Variants in SLC16A7 observed in about 807,000 individuals in gnomAD.
SLC16A7 encodes monocarboxylate transporter 2.
SLC16A7 carries 33 observed loss-of-function variants against 34.9 expected under a neutral mutation model. The ratio of observed to expected loss-of-function variants is 0.94; its 90% CI spans 0.72 to 1.26. The LOEUF (loss-of-function observed/expected upper bound fraction) is 1.26. SLC16A7 is among the 50% of genes most tolerant of loss of function. The pLI, the probability that SLC16A7 is intolerant of heterozygous loss-of-function variation, is 0.00. For missense variants in SLC16A7, 573 were observed against 578.1 expected (o/e 0.99, Z 0.09); for synonymous variants, 201 against 206.6 (o/e 0.97, Z 0.23).
chr12:59,655,423 T>C (rs1592440622), intron 2 of SLC16A7, among the ~76,000 whole-genome samples, 173 bp downstream of exon 2: 1 of 151,966 alleles, frequency 6.6e-6, no homozygotes, highest in East Asian at 1.9e-4. Flanking sequence ...TTCTAGTGTT[T>C]CCATGATCCA....
intron 1 of SLC16A7, among the ~76,000 whole-genome samples, chr12:59,639,295 G>A (rs1029105693): frequency 3.3e-5 from 5 of 152,020 alleles, no homozygotes; most frequent in African/African-American, 1.2e-4. Context: ...CTAAAACTAC[G>A]ATATCAAACT....
At chr12:59,636,270 ACAAT>A (rs754089476) in intron 1 of SLC16A7, among the ~76,000 whole-genome samples, 1 of 152,092 alleles carries the variant, frequency 6.6e-6, no homozygotes, top group Admixed American at 6.6e-5. Context: ...ATGTCAAGAA[ACAAT>A]CAAAGAGGAA....
At chr12:59,684,335 A>G (rs1215851191) in intron 2 of SLC16A7, among the ~76,000 whole-genome samples, 1 of 152,214 alleles carries the variant, frequency 6.6e-6, no homozygotes, top group Non-Finnish European at 1.5e-5. Flanking sequence ...TTAGCATGAG[A>G]GGGACTCCTT....
chr12:59,774,395 A>G (rs1319224837), intron 4 of SLC16A7, among the ~76,000 whole-genome samples: 1 of 152,206 alleles, frequency 6.6e-6, no homozygotes. Flanking sequence ...GACTGTTGAT[A>G]TATCAGTAGA....
chr12:59,695,625 G>A (rs565251570), intron 2 of SLC16A7, among the ~76,000 whole-genome samples: 8 of 152,096 alleles, frequency 5.3e-5, no homozygotes, highest in Admixed American at 3.9e-4. Context: ...TCATAGAAAC[G>A]TCATTTGACC....
intron 1 of SLC16A7, among the ~76,000 whole-genome samples, chr12:59,617,709 A>C (rs1367328250): frequency 6.6e-6 from 1 of 151,986 alleles, no homozygotes; most frequent in African/African-American, 2.4e-5. Context: ...ATAATAACTG[A>C]AATTATTGAG....
intron 3 of SLC16A7, among the ~76,000 whole-genome samples, chr12:59,718,808 T>C (rs1166192037): frequency 6.6e-6 from 1 of 152,154 alleles, no homozygotes; most frequent in Non-Finnish European, 1.5e-5. Flanking sequence ...TTGCCTTATA[T>C]TTCAACCTAA....
At chr12:59,722,800 C>A (rs1875763735) in intron 3 of SLC16A7, among the ~76,000 whole-genome samples, 1 of 151,834 alleles carries the variant, frequency 6.6e-6, no homozygotes, top group African/African-American at 2.4e-5. Context: ...TTCTCCATAA[C>A]ACTTATCAGT....
rs1269757208 is a variant in SLC16A7, at chr12:59,780,559, C to G, written c.*880C>G. On this transcript the variant is annotated 3_prime_UTR_variant, in exon 6 of 6. Coordinates refer to ENST00000547379, the MANE Select transcript of SLC16A7 (RefSeq NM_001270623.2). ...ATGTAAAAGTCTGCATGACTCTTAA[C>G]AATGAGTCACATCCATTGATTTTAC... 1 of 152,026 alleles carries G rather than the reference C, an allele frequency of 6.6e-6. No individual in the cohort carries two copies. Among genetic ancestry groups the G allele is most frequent in the Non-Finnish European group, 1.5e-5 (1 of 67,980 alleles). The allele number at this position is 152,026 out of a possible 1,614,324, so 9.4% of individuals were successfully genotyped here. A position where few individuals can be genotyped will look rare whatever the true frequency, so the allele number is the denominator to read the frequency against.
In SLC16A7 at chr12:59,783,653, C is replaced by CTTTTT. The variant is rs749009293; in HGVS notation, c.*3985_*3989dup. 1 of 140,572 alleles carries CTTTTT rather than the reference C, an allele frequency of 7.1e-6. No homozygotes were observed. The allele number at this position is 140,572 out of a possible 1,614,324, so 8.7% of individuals were successfully genotyped here. On this transcript the variant is annotated 3_prime_UTR_variant, in exon 6 of 6. Transcript: ENST00000547379. ...GAATATGTAATTTCTTTCTTTCTTT[C>CTTTTT]TTTTTTTTTTTTTTTGAGACTGAGT...
At chr12:59,654,508 A>T (rs1215442865) in intron 1 of SLC16A7, among the ~76,000 whole-genome samples, 1 of 151,874 alleles carries the variant, frequency 6.6e-6, no homozygotes, top group African/African-American at 2.4e-5. Flanking sequence ...TCATCAAAGA[A>T]CATACAAGAA....
chr12:59,751,045 A>G (rs1251225604), intron 3 of SLC16A7, among the ~76,000 whole-genome samples: 1 of 130,780 alleles, frequency 7.6e-6, no homozygotes, highest in Non-Finnish European at 1.6e-5. Context: ...GGAACATCAC[A>G]CACTGAGGCC....
intron 2 of SLC16A7, among the ~76,000 whole-genome samples, chr12:59,664,469 C>A (rs1253992683): frequency 6.6e-6 from 1 of 152,048 alleles, no homozygotes; most frequent in East Asian, 1.9e-4. Context: ...TTGACCCTGG[C>A]CTCTTTGTTA....
rs35402388 is a variant in SLC16A7 at position 59,759,012 on chromosome 12, C to CT, written c.218-12199dup. ...CTTTTTTATGAGTCTTCTGTATGGA[C>CT]TTTTTTTTCTATTTAAGGAAAGACA... On this transcript the variant is annotated intron_variant, in intron 3 of 5. Coordinates refer to ENST00000547379, the MANE Select transcript of SLC16A7 (RefSeq NM_001270623.2). Among the ~76,000 whole-genome samples the CT allele has an allele frequency of 1.3e-4, 19 of 151,756 alleles. No homozygotes were observed. In the East Asian group the frequency reaches 3.1e-3, roughly 25 times the overall value.
intron 2 of SLC16A7, among the ~76,000 whole-genome samples, chr12:59,692,917 T>C (rs1428423164): frequency 6.6e-6 from 1 of 151,886 alleles, no homozygotes. Flanking sequence ...AAAGAAAAGA[T>C]TTGGTTCAAT....
At chr12:59,630,503 T>C (rs1205835586) in intron 1 of SLC16A7, among the ~76,000 whole-genome samples, 1 of 151,820 alleles carries the variant, frequency 6.6e-6, no homozygotes, top group African/African-American at 2.4e-5. Context: ...TTACAAGTAT[T>C]GAATGAAACA....
At chr12:59,697,576 A>G (rs1368602444) in intron 2 of SLC16A7, among the ~76,000 whole-genome samples, 1 of 151,884 alleles carries the variant, frequency 6.6e-6, no homozygotes, top group Non-Finnish European at 1.5e-5. Context: ...ACTGTAGTCA[A>G]GATATATTTA....
rs971344510 is a variant in SLC16A7 at position 59,761,141 on chromosome 12, C to T, written c.218-10078C>T. 19 of 1,284,022 alleles carry T rather than the reference C, an allele frequency of 1.5e-5. No individual in the cohort carries two copies. In the Admixed American group the frequency reaches 3.7e-4, roughly 25 times the overall value. 79.5% of individuals were successfully genotyped at this position (1,284,022 alleles called of 1,614,324 possible). A position where few individuals can be genotyped will look rare whatever the true frequency, so the allele number is the denominator to read the frequency against. ...TGTTTACAGGTAGAATATTTGAAAG[C>T]TTTTTGATCTTCACATCCTTGAGGA... On this transcript the variant is annotated intron_variant, in intron 3 of 5. Transcript: ENST00000547379.
intron 2 of SLC16A7, among the ~76,000 whole-genome samples, chr12:59,678,987 C>G (rs1397959680): frequency 2.0e-5 from 3 of 152,158 alleles, no homozygotes; most frequent in Admixed American, 1.3e-4. Flanking sequence ...GCAACAGTGC[C>G]CAGGCTTGGC....
Sources: gnomAD v4.1 joint callset for allele counts (sites outside exome capture counted in the v4.1 genomes callset) on GRCh38, gnomAD v4.1.1 for gene constraint, MANE v1.5 for transcripts, NCBI Gene and HGNC (gene_info 2026-07-23, HGNC 2026-07-21) for gene names.